Variants in PPEF1 observed in about 807,000 individuals in gnomAD.
PPEF1 encodes the protein serine/threonine-protein phosphatase with EF-hands 1.
In PPEF1, 12 loss-of-function variants were observed where a neutral mutation model predicts 53.3. The observed-to-expected ratio is 0.23, with a 90% CI of 0.14 to 0.36. PPEF1 has a LOEUF of 0.36. PPEF1 is among the 10% of genes least tolerant of loss of function. The probability of loss-of-function intolerance (pLI) is 1.00; values close to 1 mark genes in which losing one functional copy is unlikely to be tolerated. For missense variants in PPEF1, 334 were observed against 490.4 expected, an observed-to-expected ratio of 0.68 and a Z score of 3.01; for synonymous variants, 165 against 176.7, an observed-to-expected ratio of 0.93 and a Z score of 0.52.
chrX:18,720,136 C>T (rs886110734), intron 1 of PPEF1, among the ~76,000 whole-genome samples: 1 of 111,641 alleles, frequency 9.0e-6, no homozygotes, highest in Non-Finnish European at 1.9e-5. Context: ...GTTTTACAAT[C>T]AACTGGCCTG....
intron 1 of PPEF1, among the ~76,000 whole-genome samples, chrX:18,677,051 T>TTC (rs1329723312): frequency 9.3e-6 from 1 of 107,017 alleles, no homozygotes; most frequent in African/African-American, 3.4e-5. Flanking sequence ...TTTTTTTTTT[T>TTC]TTTTTAAGAC....
intron 10 of PPEF1, among the ~76,000 whole-genome samples, chrX:18,798,963 C>T (rs745888754): frequency 6.4e-5 from 7 of 109,853 alleles, no homozygotes; most frequent in Non-Finnish European, 1.1e-4. Context: ...CTAGGCCAGG[C>T]GTGGCGGCTC....
intron 4 of PPEF1, among the ~76,000 whole-genome samples, chrX:18,695,668 T>C (rs778019722): frequency 1.8e-5 from 2 of 112,692 alleles, no homozygotes; most frequent in East Asian, 2.8e-4. Context: ...TCAGGGTTAA[T>C]TTAAGGAATT....
In PPEF1 at chrX:18,807,771, T is replaced by G. The variant is rs2046704313; in HGVS notation, c.1394+1226T>G. Among the ~76,000 whole-genome samples the G allele has an allele frequency of 2.7e-5, 3 of 110,762 alleles. No homozygotes were observed. The Admixed American group carries it at 2.9e-4, about 11-fold the overall frequency. ...ACCTACTGGGTTCAAGTGATTCTCC[T>G]GTCTCAGCCTCCCGAGTAGCTGGGA... On this transcript the variant is annotated intron_variant, in intron 12 of 15. Coordinates refer to ENST00000470157, the MANE Select transcript of PPEF1 (RefSeq NM_001377996.1).
chrX:18,675,248 G>A (rs1200624965), upstream of PPEF1, among the ~76,000 whole-genome samples: 1 of 113,199 alleles, frequency 8.8e-6, no homozygotes, highest in Non-Finnish European at 1.9e-5. Flanking sequence ...TCGAGGCGCC[G>A]GCGGGGCGGC....
At chrX:18,736,496 A>C (rs900443043) in intron 3 of PPEF1, among the ~76,000 whole-genome samples, 2 of 111,859 alleles carry the variant, frequency 1.8e-5, no homozygotes, top group Non-Finnish European at 3.8e-5. Context: ...ATTGTAGTGG[A>C]TAAGCTTTTT....
intron 5 of PPEF1, 124 bp downstream of exon 5, chrX:18,757,865 CT>C: frequency 2.1e-6 from 1 of 469,223 alleles, no homozygotes; most frequent in Non-Finnish European, 3.7e-6. Context: ...ATAGAATTAT[CT>C]ATCATGATAA....
upstream of PPEF1, among the ~76,000 whole-genome samples, chrX:18,681,259 G>C (rs753953480): frequency 1.8e-5 from 2 of 111,718 alleles, no homozygotes; most frequent in South Asian, 3.8e-4. Flanking sequence ...TTACAGGCGT[G>C]AGTCACTGCG....
intron 9 of PPEF1, among the ~76,000 whole-genome samples, chrX:18,788,636 T>G (rs890146855): frequency 9.0e-6 from 1 of 111,688 alleles, no homozygotes; most frequent in Non-Finnish European, 1.9e-5. Flanking sequence ...TCTGAAGTTT[T>G]CAACCTATGT....
chrX:18,787,143 A>G (rs1416240521), intron 9 of PPEF1, among the ~76,000 whole-genome samples: 3 of 111,575 alleles, frequency 2.7e-5, no homozygotes, highest in African/African-American at 9.8e-5. Context: ...ACCATTTGGA[A>G]CTCTATCAGA....
At chrX:18,695,072 G>C (rs138957571) in intron 4 of PPEF1, among the ~76,000 whole-genome samples, 1 of 112,166 alleles carries the variant, frequency 8.9e-6, no homozygotes, top group Non-Finnish European at 1.9e-5. Flanking sequence ...AGCATCTGTC[G>C]TGAGCTGCTG....
chrX:18,774,774 C>A (rs2045933380), intron 6 of PPEF1, among the ~76,000 whole-genome samples: 1 of 111,376 alleles, frequency 9.0e-6, no homozygotes, highest in East Asian at 2.8e-4. Flanking sequence ...TTTATTCTAC[C>A]GTCTCCTACC....
chrX:18,786,507 C>T (rs988668432), intron 9 of PPEF1, among the ~76,000 whole-genome samples: 20 of 111,354 alleles, frequency 1.8e-4, no homozygotes, highest in African/African-American at 5.9e-4. Flanking sequence ...GGTGGCCAGG[C>T]GCAGTGGCTC....
intron 13 of PPEF1, among the ~76,000 whole-genome samples, chrX:18,821,796 AGAGAG>A (rs1569273864): frequency 4.3e-4 from 8 of 18,756 alleles, no homozygotes; most frequent in African/African-American, 2.3e-3. Flanking sequence ...AGAGAGAGAG[AGAGAG>A]AGAAAACAAA....
At chrX:18,759,001 TC>T (rs2045604177) in intron 5 of PPEF1, among the ~76,000 whole-genome samples, 1 of 111,116 alleles carries the variant, frequency 9.0e-6, no homozygotes, top group Admixed American at 9.6e-5. Context: ...AGTGGCAGGA[TC>T]AGAATTAAAA....
chrX:18,810,755 C>T (rs1048044511), intron 12 of PPEF1, among the ~76,000 whole-genome samples: 2 of 112,125 alleles, frequency 1.8e-5, no homozygotes, highest in African/African-American at 3.2e-5. Flanking sequence ...GGATAGACCA[C>T]ATTTTGTTTG....
chrX:18,820,574 G>C (rs867070326), intron 13 of PPEF1, among the ~76,000 whole-genome samples: 2 of 110,317 alleles, frequency 1.8e-5, no homozygotes, highest in South Asian at 7.8e-4. Context: ...TTTAGTAGAG[G>C]TGGGGTTTCA....
intron 4 of PPEF1, among the ~76,000 whole-genome samples, chrX:18,694,780 T>A (rs1233300803): frequency 9.0e-6 from 1 of 111,546 alleles, no homozygotes; most frequent in Non-Finnish European, 1.9e-5. Flanking sequence ...CATATAGTGG[T>A]ATCTCATGGT....
chrX:18,704,195 G>A (rs774968446), upstream of PPEF1, among the ~76,000 whole-genome samples: 1 of 111,126 alleles, frequency 9.0e-6, no homozygotes, highest in African/African-American at 3.3e-5. Context: ...CAAAGTGCTA[G>A]GATTACGAAT....
Sources: gnomAD v4.1 joint callset for allele counts (sites outside exome capture counted in the v4.1 genomes callset) on GRCh38, gnomAD v4.1.1 for gene constraint, MANE v1.5 for transcripts, NCBI Gene and HGNC (gene_info 2026-07-23, HGNC 2026-07-21) for gene names.